DBT: variants seen among roughly 807,000 people sequenced by gnomAD.
The protein encoded by DBT is lipoamide acyltransferase component of branched-chain alpha-keto acid dehydrogenase complex, mitochondrial.
Under a neutral mutation model 51.3 loss-of-function variants are expected in DBT, and 40 were observed. The ratio of observed to expected loss-of-function variants is 0.78; its 90% CI spans 0.61 to 1.02. The LOEUF is 1.02. DBT is among the 50% of genes least tolerant of loss of function. The pLI, the probability that DBT is intolerant of heterozygous loss-of-function variation, is 0.00. For missense variants in DBT, 510 were observed against 580.2 expected (o/e 0.88, Z 1.24); for synonymous variants, 181 against 190.4 (o/e 0.95, Z 0.41).
chr1:100,206,671 A>G (rs747604687), intron 8 of DBT, 35 bp from the exon 9 acceptor site: 4 of 1,213,740 alleles, frequency 3.3e-6, no homozygotes, highest in Non-Finnish European at 4.9e-6. Context: ...AGGGCTTTTA[A>G]TGAATAAGCT....
intron 10 of DBT, among the ~76,000 whole-genome samples, chr1:100,203,239 T>G (rs1661558868): frequency 6.6e-6 from 1 of 152,030 alleles, no homozygotes; most frequent in Admixed American, 6.6e-5. Flanking sequence ...AAGAATCAAA[T>G]AGACACAATA....
chr1:100,223,655 A>G (rs1662998590), intron 4 of DBT, among the ~76,000 whole-genome samples: 1 of 152,082 alleles, frequency 6.6e-6, no homozygotes, highest in African/African-American at 2.4e-5. Context: ...TTTTGTAGAG[A>G]TGAGGTCTCA....
intron 4 of DBT, among the ~76,000 whole-genome samples, chr1:100,223,011 G>T (rs4143058): frequency 0.75 from 114,446 of 152,086 alleles, 45,589 homozygotes; most frequent in East Asian, 0.95. Context: ...CAGAAAGTTA[G>T]GAAGGTGGGT....
intron 7 of DBT, among the ~76,000 whole-genome samples, chr1:100,212,516 G>A (rs1300044372): frequency 1.3e-5 from 2 of 151,574 alleles, no homozygotes; most frequent in Non-Finnish European, 2.9e-5. Context: ...CAGCAGCCTG[G>A]GCAACAAAGT....
intron 8 of DBT, among the ~76,000 whole-genome samples, chr1:100,208,960 A>G (rs1393248084): frequency 1.3e-5 from 2 of 151,562 alleles, no homozygotes; most frequent in Non-Finnish European, 2.9e-5. Flanking sequence ...GAAAATATAA[A>G]TAATTCTATA....
At chr1:100,244,884 A>G (rs577086562) in intron 1 of DBT, among the ~76,000 whole-genome samples, 11 of 152,298 alleles carry the variant, frequency 7.2e-5, no homozygotes, top group East Asian at 3.9e-4. Flanking sequence ...AGAGTACTGT[A>G]TAGTATTTGA....
At chr1:100,239,285 G>A (rs570968164) in intron 2 of DBT, among the ~76,000 whole-genome samples, 2 of 152,302 alleles carry the variant, frequency 1.3e-5, no homozygotes, top group Admixed American at 1.3e-4. Context: ...CAAGTAGCCT[G>A]GAACTGGTGT....
rs1307344808 is a variant in DBT at position 100,188,681 on chromosome 1, C to G, written c.*7574G>C. ...CCTGTTCTCATTTCTTCTGTCCTGT[C>G]TCTTGTTGAGTCACAACAGCTGTTC... is the stretch of plus-strand genomic sequence containing the variant. On this transcript the variant is annotated 3_prime_UTR_variant, in exon 11 of 11. Transcript: ENST00000370132. 6.6e-6 allele frequency: 1 copy of G among 152,240 alleles called. No homozygotes were observed. Among genetic ancestry groups the G allele is most frequent in the Admixed American group, 6.5e-5 (1 of 15,270 alleles). The allele number at this position is 152,240 out of a possible 1,614,324, so 9.4% of individuals were successfully genotyped here.
chr1:100,206,322 AAGG>A (rs1254798741), intron 9 of DBT, 21 bp from the exon 10 acceptor site: 1 of 1,600,948 alleles, frequency 6.2e-7, no homozygotes, highest in Admixed American at 1.7e-5. Context: ...AAAAAAAAAA[AAGG>A]AGAGTATTAA....
intron 3 of DBT, among the ~76,000 whole-genome samples, chr1:100,235,128 T>C (rs905290186): frequency 6.6e-6 from 1 of 152,194 alleles, no homozygotes; most frequent in Non-Finnish European, 1.5e-5. Context: ...TATCAGGTAA[T>C]GGTAAGTCAA....
chr1:100,222,379 T>C (rs972126071), intron 4 of DBT, among the ~76,000 whole-genome samples: 3 of 152,220 alleles, frequency 2.0e-5, no homozygotes, highest in Non-Finnish European at 4.4e-5. Flanking sequence ...AAATAATGCA[T>C]ATGTAAAGTG....
At chr1:100,202,759 C>T (rs1570802788) in intron 10 of DBT, among the ~76,000 whole-genome samples, 1 of 152,138 alleles carries the variant, frequency 6.6e-6, no homozygotes, top group African/African-American at 2.4e-5. Flanking sequence ...CAAATTAGAA[C>T]TCAGGGTTAA....
rs1158505606 is a variant in DBT at position 100,214,873 on chromosome 1, T to G, written c.883A>C (p.Lys295Gln). The change falls in exon 7 of 11, where the codon AAA (lysine) becomes CAA (glutamine). Residue 295 changes from lysine (K) to glutamine (Q), a missense_variant. Physicochemically the swap from Lys to Gln is moderately conservative, Grantham distance 53 (BLOSUM62 1). Coordinates refer to ENST00000370132, the MANE Select transcript of DBT (RefSeq NM_001918.5). ...TELVKLREEL[K>Q]PIAFARGIKL... ...ATTCCACGAGCAAATGCAATGGGTTTTAATTCTTCTCGGAGCTTAACCAGT... is the reference window on the plus strand; with the variant it reads ...ATTCCACGAGCAAATGCAATGGGTTGTAATTCTTCTCGGAGCTTAACCAGT... 6.2e-7 allele frequency: 1 copy of G among 1,614,182 alleles called. No individual in the cohort carries two copies. Among genetic ancestry groups the G allele is most frequent in the Admixed American group, 1.7e-5 (1 of 60,022 alleles).
intron 10 of DBT, among the ~76,000 whole-genome samples, chr1:100,199,718 G>C (rs1661324765): frequency 6.6e-6 from 1 of 152,124 alleles, no homozygotes; most frequent in Non-Finnish European, 1.5e-5. Flanking sequence ...ATTGGGACTG[G>C]TTAGACAGTG....
intron 8 of DBT, among the ~76,000 whole-genome samples, chr1:100,210,003 A>G (rs1230551264): frequency 6.6e-6 from 1 of 152,114 alleles, no homozygotes; most frequent in Non-Finnish European, 1.5e-5. Flanking sequence ...CACTTAAATT[A>G]TTCTTAATAT....
rs1388222791 is a variant in DBT at position 100,213,228 on chromosome 1, G to C, written c.939+1589C>G. ...CCCTGCCCCGCGTCTGCCTCAGAGG[G>C]GCCCGAGCCACCCGGGGCGTGCGCC... is the stretch of plus-strand genomic sequence containing the variant. On this transcript the variant is annotated intron_variant, in intron 7 of 10. Transcript: ENST00000370132. The C allele has an allele frequency of 3.1e-6, 3 of 963,144 alleles. No individual in the cohort carries two copies. In the East Asian group the frequency reaches 1.1e-4, roughly 36 times the overall value. 59.7% of individuals were successfully genotyped at this position (963,144 alleles called of 1,614,324 possible).
At chr1:100,229,095 C>T (rs1016694368) in intron 4 of DBT, among the ~76,000 whole-genome samples, 2 of 152,122 alleles carry the variant, frequency 1.3e-5, no homozygotes, top group African/African-American at 4.8e-5. Context: ...ATATTCTGGA[C>T]AAAGACTCAG....
chr1:100,194,926 G>A lies in DBT; in HGVS notation c.*1329C>T, dbSNP rs183934265. ...ACTGGACAATATTAGAAACAACATG[G>A]ATTTCCGAATGCAAATTGAAATGTT... is the stretch of plus-strand genomic sequence containing the variant. On this transcript the variant is annotated 3_prime_UTR_variant, in exon 11 of 11. Transcript: ENST00000370132. The A allele has an allele frequency of 1.2e-4, 18 of 152,156 alleles. No homozygotes were observed. The highest frequency in any genetic ancestry group is 1.2e-3 in the Admixed American group (18 of 15,282). 9.4% of individuals were successfully genotyped at this position (152,156 alleles called of 1,614,324 possible).
rs181075284 is a variant in DBT, at chr1:100,246,131, G to A, written c.51+3639C>T. Among the ~76,000 whole-genome samples, 26 of 152,118 alleles carry A rather than the reference G, an allele frequency of 1.7e-4. No individual in the cohort carries two copies. In the East Asian group the frequency reaches 3.1e-3, roughly 18 times the overall value. On this transcript the variant is annotated intron_variant, in intron 1 of 10. Coordinates refer to ENST00000370132, the MANE Select transcript of DBT (RefSeq NM_001918.5). ...ACAAAAATTAGCTGGGCATGGTGGCGCGTGCCTGCCCAGTTACTTGGGAGG... is the reference window on the plus strand; with the variant it reads ...ACAAAAATTAGCTGGGCATGGTGGCACGTGCCTGCCCAGTTACTTGGGAGG...
Sources: allele counts gnomAD v4.1 joint callset (sites outside exome capture counted in the v4.1 genomes callset), GRCh38; gene constraint gnomAD v4.1.1; transcripts MANE v1.5; gene names NCBI Gene and HGNC (gene_info 2026-07-23, HGNC 2026-07-21).